PRKG1: variants seen among roughly 807,000 people sequenced by gnomAD.
PRKG1 encodes cGMP-dependent protein kinase 1.
Under a neutral mutation model 88.1 loss-of-function variants are expected in PRKG1, and 35 were observed. The ratio of observed to expected loss-of-function variants is 0.40; its 90% CI spans 0.30 to 0.53. PRKG1 has a LOEUF of 0.53. Ranked by LOEUF, PRKG1 falls within the 20% of genes least tolerant of loss-of-function variation. The pLI is 0.59. For missense variants in PRKG1, 540 were observed against 839.8 expected (o/e 0.64, Z 4.41); for synonymous variants, 303 against 292.5 (o/e 1.04, Z -0.37).
intron 3 of PRKG1, among the ~76,000 whole-genome samples, chr10:51,684,500 T>TA (rs1206220529): frequency 3.9e-5 from 6 of 152,026 alleles, no homozygotes; most frequent in Admixed American, 6.6e-5. Context: ...ATAAAAATGT[T>TA]AAAAAAAGAC....
At chr10:51,061,102 C>T (rs979670753) in intron 1 of PRKG1, among the ~76,000 whole-genome samples, 17 of 75,910 alleles carry the variant, frequency 2.2e-4, no homozygotes, top group African/African-American at 1.3e-3. Context: ...AGTCTGTTCT[C>T]ATGCTGCTAA....
At chr10:51,630,562 C>A (rs948602572) in intron 3 of PRKG1, among the ~76,000 whole-genome samples, 1 of 152,116 alleles carries the variant, frequency 6.6e-6, no homozygotes, top group African/African-American at 2.4e-5. Context: ...CATAACATAC[C>A]CTCATGCACA....
chr10:51,267,788 A>G (rs1318697249), intron 2 of PRKG1, among the ~76,000 whole-genome samples: 2 of 152,226 alleles, frequency 1.3e-5, no homozygotes, highest in Non-Finnish European at 2.9e-5. Context: ...AAATGCAAAC[A>G]TAAATGATTG....
chr10:51,248,731 T>G (rs1258341002), intron 2 of PRKG1, among the ~76,000 whole-genome samples: 1 of 151,840 alleles, frequency 6.6e-6, no homozygotes, highest in Non-Finnish European at 1.5e-5. Context: ...CATGGAAAAT[T>G]GTAAAATTTA....
At chr10:52,012,332 C>T (rs1844909562) in intron 5 of PRKG1, among the ~76,000 whole-genome samples, 1 of 151,972 alleles carries the variant, frequency 6.6e-6, no homozygotes, top group South Asian at 2.1e-4. Flanking sequence ...ACCTCCACCT[C>T]CCGGGTTCAA....
intron 7 of PRKG1, among the ~76,000 whole-genome samples, chr10:52,070,387 T>A (rs1846466595): frequency 6.6e-6 from 1 of 152,236 alleles, no homozygotes; most frequent in Admixed American, 6.5e-5. Flanking sequence ...ACCATTCCTT[T>A]GTAGGTAAAC....
rs113571665 is a variant in PRKG1 at position 51,115,207 on chromosome 10, A to C, written c.312-37957A>C. Among the ~76,000 whole-genome samples, 309 of 145,088 alleles carry C rather than the reference A, an allele frequency of 2.1e-3. 1 individual carries two copies. The highest frequency in any genetic ancestry group is 4.9e-3 in the Admixed American group (71 of 14,498). On this transcript the variant is annotated intron_variant, in intron 1 of 17. Transcript: ENST00000373980. The stretch of plus-strand genomic sequence containing the variant: ...CACACACCTGTAATCCCAGCTACTC[A>C]GGAGGCTGAGGCAGGAGAATCACTT...
chr10:51,724,870 T>A (rs1052179170), intron 3 of PRKG1, among the ~76,000 whole-genome samples: 3 of 29,572 alleles, frequency 1.0e-4, no homozygotes, highest in Non-Finnish European at 2.7e-4. Context: ...ATTTTTGTAC[T>A]TTTTTTTTTT....
At chr10:51,327,764 T>A (rs1841629595) in intron 2 of PRKG1, among the ~76,000 whole-genome samples, 1 of 152,196 alleles carries the variant, frequency 6.6e-6, no homozygotes, top group Non-Finnish European at 1.5e-5. Flanking sequence ...TATAAATATG[T>A]CTAAACATAG....
At chr10:51,089,521 G>A (rs759593607) in intron 1 of PRKG1, among the ~76,000 whole-genome samples, 1 of 152,156 alleles carries the variant, frequency 6.6e-6, no homozygotes, top group African/African-American at 2.4e-5. Flanking sequence ...CAGGAAAAAT[G>A]TGAAGGTGGA....
intron 4 of PRKG1, among the ~76,000 whole-genome samples, chr10:51,885,639 C>A (rs1841548398): frequency 6.6e-6 from 1 of 152,198 alleles, no homozygotes; most frequent in Non-Finnish European, 1.5e-5. Flanking sequence ...GCAGTTCCCA[C>A]CTTTAATACG....
chr10:52,075,110 C>T (rs912423037), intron 7 of PRKG1, among the ~76,000 whole-genome samples: 1 of 152,036 alleles, frequency 6.6e-6, no homozygotes, highest in Non-Finnish European at 1.5e-5. Flanking sequence ...AATAAATAAT[C>T]GTATAGGTAC....
intron 3 of PRKG1, among the ~76,000 whole-genome samples, chr10:51,592,343 G>A (rs1727566412): frequency 6.6e-6 from 1 of 152,184 alleles, no homozygotes; most frequent in African/African-American, 2.4e-5. Flanking sequence ...CACAATGCAT[G>A]AGTGGGATCT....
chr10:51,183,312 C>G (rs1422204680), intron 2 of PRKG1, among the ~76,000 whole-genome samples: 1 of 152,132 alleles, frequency 6.6e-6, no homozygotes, highest in East Asian at 1.9e-4. Flanking sequence ...TGAAGTGAAT[C>G]ATTTTGCTTT....
chr10:51,834,706 GA>G (rs140352569), intron 4 of PRKG1, among the ~76,000 whole-genome samples: 1 of 124,608 alleles, frequency 8.0e-6, no homozygotes, highest in Non-Finnish European at 1.6e-5. Context: ...GAGAGAGAGA[GA>G]AAGAGAAAGA....
intron 3 of PRKG1, among the ~76,000 whole-genome samples, chr10:51,682,635 T>C (rs1840880074): frequency 1.3e-5 from 2 of 152,226 alleles, no homozygotes; most frequent in African/African-American, 2.4e-5. Context: ...CAAGAACTTA[T>C]TATATGTAAG....
chr10:52,108,425 C>T (rs1388029733), intron 7 of PRKG1, among the ~76,000 whole-genome samples: 1 of 152,122 alleles, frequency 6.6e-6, no homozygotes, highest in Non-Finnish European at 1.5e-5. Context: ...GACAGGGTAG[C>T]AACCCTGCTC....
chr10:51,162,604 TTTTA>T (rs1372344769), intron 2 of PRKG1, among the ~76,000 whole-genome samples: 1 of 152,206 alleles, frequency 6.6e-6, no homozygotes, highest in Non-Finnish European at 1.5e-5. Flanking sequence ...GTGTAGAATC[TTTTA>T]TTTGTCTAAT....
intron 3 of PRKG1, among the ~76,000 whole-genome samples, chr10:51,534,646 A>G (rs931237714): frequency 2.6e-4 from 37 of 142,348 alleles, no homozygotes; most frequent in Admixed American, 7.3e-4. Context: ...CAGCCTGGGC[A>G]ACAGAGCGAG....
Sources: allele counts gnomAD v4.1 joint callset (sites outside exome capture counted in the v4.1 genomes callset), GRCh38; gene constraint gnomAD v4.1.1; transcripts MANE v1.5; gene names NCBI Gene and HGNC (gene_info 2026-07-23, HGNC 2026-07-21).